Variants in SCAF8 observed in about 807,000 individuals in gnomAD.
The protein encoded by SCAF8 is SR-related and CTD-associated factor 8.
SCAF8 carries 23 observed loss-of-function variants against 140.5 expected under a neutral mutation model. The ratio of observed to expected loss-of-function variants is 0.16; its 90% CI spans 0.12 to 0.23. The LOEUF is 0.23. Ranked by LOEUF, SCAF8 falls within the 10% of genes least tolerant of loss-of-function variation. SCAF8 has a pLI of 1.00. For missense variants in SCAF8, 1,397 were observed against 1,555.7 expected, an observed-to-expected ratio of 0.90 and a Z score of 1.72; for synonymous variants, 575 against 528.9, an observed-to-expected ratio of 1.09 and a Z score of -1.20.
chr6:154,766,168 CT>C (rs1168566617), intron 1 of SCAF8, among the ~76,000 whole-genome samples: 2 of 152,030 alleles, frequency 1.3e-5, no homozygotes, highest in Non-Finnish European at 2.9e-5. Flanking sequence ...TTACCCTTGT[CT>C]TCATGTTGAG....
intron 1 of SCAF8, among the ~76,000 whole-genome samples, chr6:154,755,619 C>G (rs2114815101): frequency 6.6e-6 from 1 of 152,176 alleles, no homozygotes; most frequent in South Asian, 2.1e-4. Flanking sequence ...TTTCAGTTTC[C>G]CCTTGCCTTC....
chr6:154,794,174 C>T (rs1197043553), intron 5 of SCAF8, among the ~76,000 whole-genome samples: 1 of 152,126 alleles, frequency 6.6e-6, no homozygotes, highest in Non-Finnish European at 1.5e-5. Context: ...AAGTAGTCCT[C>T]CTGCCTTGGG....
At chr6:154,737,949 A>G (rs1778470069) in intron 1 of SCAF8, among the ~76,000 whole-genome samples, 1 of 152,100 alleles carries the variant, frequency 6.6e-6, no homozygotes, top group East Asian at 1.9e-4. Context: ...GTTTTTCCAG[A>G]CTGAATTTTG....
chr6:154,784,068 A>G (rs927566962), intron 3 of SCAF8, among the ~76,000 whole-genome samples: 1 of 149,586 alleles, frequency 6.7e-6, no homozygotes, highest in African/African-American at 2.5e-5. Flanking sequence ...CTCCGTCTCA[A>G]AAAAATAAAA....
At chr6:154,811,999 G>T (rs1028600900) in intron 12 of SCAF8, among the ~76,000 whole-genome samples, 1 of 151,996 alleles carries the variant, frequency 6.6e-6, no homozygotes, top group Non-Finnish European at 1.5e-5. Flanking sequence ...CAGTAAATAC[G>T]TGTGCTGTTT....
intron 12 of SCAF8, among the ~76,000 whole-genome samples, chr6:154,815,348 G>A (rs992639750): frequency 8.5e-5 from 13 of 152,130 alleles, no homozygotes; most frequent in African/African-American, 2.7e-4. Flanking sequence ...ACGGTGAGAA[G>A]TGGGTTTGAA....
intron 1 of SCAF8, among the ~76,000 whole-genome samples, chr6:154,735,671 G>A (rs1288693030): frequency 1.2e-4 from 18 of 151,722 alleles, no homozygotes. Context: ...ACATCACCAC[G>A]CCCCGCTAAT....
chr6:154,733,851 G>C lies in SCAF8; in HGVS notation c.-50G>C, dbSNP rs372825045. On this transcript the variant is annotated 5_prime_UTR_variant, in exon 1 of 20. Transcript: ENST00000367178. ...CGTCTCGCTCTCCCCACCCAGTGCA[G>C]TGGCCGCCGCCTCTTCCGCCGCCGG... 131 of 1,542,360 alleles carry C rather than the reference G, an allele frequency of 8.5e-5. No homozygotes were observed. Among genetic ancestry groups the C allele is most frequent in the South Asian group, 5.4e-4 (45 of 83,480 alleles).
intron 1 of SCAF8, among the ~76,000 whole-genome samples, chr6:154,735,008 C>T (rs773125895): frequency 4.6e-4 from 70 of 151,990 alleles, no homozygotes; most frequent in Non-Finnish European, 7.6e-4. Context: ...CCTGTAATCC[C>T]AGCTACTTAG....
intron 1 of SCAF8, 84 bp from the exon 2 acceptor site, chr6:154,773,905 G>C: frequency 1.1e-6 from 1 of 871,066 alleles, no homozygotes; most frequent in Non-Finnish European, 1.9e-6. Flanking sequence ...GTTTCATTGA[G>C]AATATAAAAA....
intron 1 of SCAF8, among the ~76,000 whole-genome samples, chr6:154,749,106 C>A (rs1354898651): frequency 6.6e-6 from 1 of 152,088 alleles, no homozygotes; most frequent in East Asian, 1.9e-4. Flanking sequence ...CCATCCTTGG[C>A]TAATTTTGTA....
Position 154,788,919 on chromosome 6 carries a change from TTA to T in SCAF8, c.321+898_321+899del, listed in dbSNP as rs534342802. Among the ~76,000 whole-genome samples, 27 of 152,290 alleles carry T rather than the reference TTA, an allele frequency of 1.8e-4. No homozygotes were observed. The South Asian group carries it at 5.0e-3, about 28-fold the overall frequency. ...TGACAGGGTTGATTGCAGTGTTGAT[TTA>T]AGTATGAAAAGATGAGAATAGATGA... On this transcript the variant is annotated intron_variant, in intron 4 of 19. Coordinates refer to ENST00000367178, the MANE Select transcript of SCAF8 (RefSeq NM_014892.5).
intron 1 of SCAF8, among the ~76,000 whole-genome samples, chr6:154,771,744 G>A (rs1776774025): frequency 6.6e-6 from 1 of 152,272 alleles, no homozygotes; most frequent in East Asian, 1.9e-4. Flanking sequence ...AGAAGAGGGA[G>A]GGAGGAAGGG....
chr6:154,770,219 C>T (rs761521490), intron 1 of SCAF8, among the ~76,000 whole-genome samples: 22 of 151,774 alleles, frequency 1.4e-4, no homozygotes, highest in Non-Finnish European at 2.5e-4. Flanking sequence ...TGTGGGAGGC[C>T]GAGGCGGGCA....
At chr6:154,775,729 A>C (rs1275574352) in intron 2 of SCAF8, among the ~76,000 whole-genome samples, 2 of 152,082 alleles carry the variant, frequency 1.3e-5, no homozygotes, top group African/African-American at 4.8e-5. Context: ...ACGCAGTAAG[A>C]TCTTGGCTCT....
chr6:154,733,603 A>T lies in SCAF8; in HGVS notation c.-298A>T, dbSNP rs1373280353. On this transcript the variant is annotated 5_prime_UTR_variant, in exon 1 of 20. Coordinates refer to ENST00000367178, the MANE Select transcript of SCAF8 (RefSeq NM_014892.5). ...ACCGAAACGGAGCGGGGCAGAGAAG[A>T]GAAGGCGCCGCGGCCCAGCCCCTCC... The T allele has an allele frequency of 7.7e-7, 1 of 1,290,836 alleles. No homozygotes were observed. The highest frequency in any genetic ancestry group is 9.8e-7 in the Non-Finnish European group (1 of 1,023,186). 80.0% of individuals were successfully genotyped at this position (1,290,836 alleles called of 1,614,324 possible).
At chr6:154,759,335 T>G (rs762617931) in intron 1 of SCAF8, among the ~76,000 whole-genome samples, 1 of 152,202 alleles carries the variant, frequency 6.6e-6, no homozygotes, top group Non-Finnish European at 1.5e-5. Context: ...CTTATGCAGA[T>G]GAGTTTTTGG....
chr6:154,753,012 G>GT (rs558280693), intron 1 of SCAF8, among the ~76,000 whole-genome samples: 2,168 of 145,780 alleles, frequency 0.015, 43 homozygotes, highest in African/African-American at 0.047. Context: ...TTTTTGTTTT[G>GT]TTTTTTTTTT....
At position 154,818,402 on chromosome 6, in the gene SCAF8, T is replaced by C. The variant is rs564839263; in HGVS notation, c.1522-77T>C. On this transcript the variant is annotated intron_variant, in intron 13 of 19. Coordinates refer to ENST00000367178, the MANE Select transcript of SCAF8 (RefSeq NM_014892.5). ...GAAGTATTAGTAAGTAGTCAATGTT[T>C]TGTGTCATTTAAACCATAAAATACC... The C allele has an allele frequency of 2.1e-5, 13 of 632,608 alleles. 1 individual carries two copies. Among genetic ancestry groups the C allele is most frequent in the Middle Eastern group, 3.6e-4 (1 of 2,768 alleles). The allele number at this position is 632,608 out of a possible 1,614,324, so 39.2% of individuals were successfully genotyped here. A position where few individuals can be genotyped will look rare whatever the true frequency, so the allele number is the denominator to read the frequency against.
Sources: allele counts gnomAD v4.1 joint callset (sites outside exome capture counted in the v4.1 genomes callset), GRCh38; gene constraint gnomAD v4.1.1; transcripts MANE v1.5; gene names NCBI Gene and HGNC (gene_info 2026-07-23, HGNC 2026-07-21).